The following CRADD variants were observed in gnomAD, a reference collection of about 807,000 sequenced individuals.
The protein encoded by CRADD is CARD and death domain containing adaptor protein.
Under a neutral mutation model 15.5 loss-of-function variants are expected in CRADD, and 9 were observed. The observed-to-expected ratio is 0.58, with a 90% CI of 0.35 to 1.01. CRADD has a LOEUF of 1.01. Among genes scored for constraint, CRADD ranks in the 50% least tolerant of loss-of-function variants. The probability of loss-of-function intolerance (pLI) is 0.02; values close to 1 mark genes in which losing one functional copy is unlikely to be tolerated. For synonymous variants in CRADD, 118 were observed against 107.6 expected, an observed-to-expected ratio of 1.10 and a Z score of -0.60; for missense variants, 227 against 250.3, an observed-to-expected ratio of 0.91 and a Z score of 0.63.
intron 2 of CRADD, among the ~76,000 whole-genome samples, chr12:93,812,719 A>G (rs1159400797): frequency 2.0e-5 from 3 of 152,350 alleles, no homozygotes; most frequent in Non-Finnish European, 4.4e-5. Context: ...CCTGTGGCCT[A>G]TCTTGTGCAA....
rs1373038691 is a variant in CRADD at position 93,767,079 on chromosome 12, A to C, written c.299-82891A>C. Among the ~76,000 whole-genome samples, 5 of 152,318 alleles carry C rather than the reference A, an allele frequency of 3.3e-5. No homozygotes were observed. The East Asian group carries it at 9.6e-4, about 29-fold the overall frequency. On this transcript the variant is annotated intron_variant, in intron 2 of 2. Transcript: ENST00000332896. ...GGCCTTGTCCTTTCTGTCTGGTTCT[A>C]GGGAAAAAGCCCATTGCCTGTGCTT...
chr12:93,867,330 A>G (rs1958376660), intron 2 of CRADD, among the ~76,000 whole-genome samples: 1 of 147,166 alleles, frequency 6.8e-6, no homozygotes, highest in East Asian at 2.0e-4. Context: ...GTGGGGATCC[A>G]TAAAAAGTAC....
intron 2 of CRADD, among the ~76,000 whole-genome samples, chr12:93,765,005 A>AT (rs1263650190): frequency 6.7e-6 from 1 of 149,072 alleles, no homozygotes; most frequent in African/African-American, 2.6e-5. Context: ...AGAAACTCTG[A>AT]ATTTTTTTTT....
chr12:93,808,194 G>A (rs987761016), intron 2 of CRADD, among the ~76,000 whole-genome samples: 2 of 151,906 alleles, frequency 1.3e-5, no homozygotes, highest in African/African-American at 4.8e-5. Context: ...CACACAGCCT[G>A]TTCTCATGCT....
intron 2 of CRADD, among the ~76,000 whole-genome samples, chr12:93,779,421 A>G (rs1038630510): frequency 2.6e-5 from 4 of 152,164 alleles, no homozygotes; most frequent in Non-Finnish European, 2.9e-5. Context: ...TTAGGAAAAT[A>G]TATTTCAAAG....
At chr12:93,828,651 G>A (rs1178475726) in intron 2 of CRADD, among the ~76,000 whole-genome samples, 4 of 152,204 alleles carry the variant, frequency 2.6e-5, no homozygotes, top group African/African-American at 4.8e-5. Flanking sequence ...CCACATGGGT[G>A]TAAATCTATT....
At chr12:93,771,257 T>C (rs1957082542) in intron 2 of CRADD, among the ~76,000 whole-genome samples, 1 of 152,220 alleles carries the variant, frequency 6.6e-6, no homozygotes, top group Admixed American at 6.5e-5. Flanking sequence ...TGCACCTTCA[T>C]ATTCCCCAGT....
At chr12:93,736,915 A>C (rs1021542880) in intron 2 of CRADD, among the ~76,000 whole-genome samples, 12 of 152,260 alleles carry the variant, frequency 7.9e-5, no homozygotes, top group African/African-American at 2.9e-4. Flanking sequence ...TATGCAAGGC[A>C]CTGGAGATAC....
intron 2 of CRADD, among the ~76,000 whole-genome samples, chr12:93,884,496 G>C (rs996169841): frequency 6.6e-6 from 1 of 152,122 alleles, no homozygotes; most frequent in African/African-American, 2.4e-5. Context: ...GATTCTTTCT[G>C]AATAACGCCC....
At position 93,820,789 on chromosome 12, in the gene CRADD, C is replaced by T. The variant is rs574533792; in HGVS notation, c.299-29181C>T. Among the ~76,000 whole-genome samples, 4 of 152,324 alleles carry T rather than the reference C, an allele frequency of 2.6e-5. No homozygotes were observed. The South Asian group carries it at 6.2e-4, about 24-fold the overall frequency. On this transcript the variant is annotated intron_variant, in intron 2 of 2. Transcript: ENST00000332896. ...ATCATGCCCCATTTCTCTCAGATAT[C>T]ACCCCCATGCCCAGTCCCTCTTGGT...
At chr12:93,775,793 G>A (rs1476066073) in intron 2 of CRADD, among the ~76,000 whole-genome samples, 3 of 152,124 alleles carry the variant, frequency 2.0e-5, no homozygotes, top group Non-Finnish European at 2.9e-5. Context: ...AGCATCATTA[G>A]CTCCTCTTTG....
chr12:93,858,897 G>A lies in CRADD; in HGVS notation c.299-35153G>A, dbSNP rs138039000. ...AGCCAGGCCTTGTAGGTTTCCCCAC[G>A]CAGTCTATTTCCATTAGATCATAGC... is the stretch of plus-strand genomic sequence containing the variant. On this transcript the variant is annotated intron_variant, in intron 2 of 2. Transcript: ENST00000548483. 1.1e-4 allele frequency among the ~76,000 whole-genome samples: 16 copies of A among 152,316 alleles called. No homozygotes were observed. In the East Asian group the frequency reaches 2.5e-3, roughly 24 times the overall value.
intron 2 of CRADD, among the ~76,000 whole-genome samples, chr12:93,864,567 C>T (rs1958347591): frequency 6.6e-6 from 1 of 152,184 alleles, no homozygotes; most frequent in Non-Finnish European, 1.5e-5. Flanking sequence ...ATTCTCTTTG[C>T]TGGATCCAAA....
At chr12:93,844,317 A>G (rs1593038787) in intron 2 of CRADD, among the ~76,000 whole-genome samples, 1 of 152,098 alleles carries the variant, frequency 6.6e-6, no homozygotes, top group Non-Finnish European at 1.5e-5. Flanking sequence ...TCTCATTTTT[A>G]AGTAACCTTG....
chr12:93,876,891 G>T (rs772931331), intron 2 of CRADD, among the ~76,000 whole-genome samples: 2 of 152,108 alleles, frequency 1.3e-5, no homozygotes, highest in Non-Finnish European at 2.9e-5. Context: ...GTTCTTTAGT[G>T]TCTGGCCATT....
At chr12:93,685,299 A>T (rs905223910) in intron 2 of CRADD, among the ~76,000 whole-genome samples, 1 of 152,126 alleles carries the variant, frequency 6.6e-6, no homozygotes, top group African/African-American at 2.4e-5. Context: ...GGAGGCAGGG[A>T]TGGGGAGGTT....
chr12:93,765,819 A>C (rs1390681553), intron 2 of CRADD, among the ~76,000 whole-genome samples: 2 of 151,750 alleles, frequency 1.3e-5, no homozygotes, highest in African/African-American at 4.8e-5. Context: ...ACTAAGGGAA[A>C]AATACTAAAG....
At chr12:93,791,357 A>C (rs1957347371) in intron 2 of CRADD, among the ~76,000 whole-genome samples, 1 of 152,120 alleles carries the variant, frequency 6.6e-6, no homozygotes, top group Non-Finnish European at 1.5e-5. Flanking sequence ...AAAGGAAGGA[A>C]ACCCTGTCAT....
intron 2 of CRADD, among the ~76,000 whole-genome samples, chr12:93,844,996 A>C (rs577935970): frequency 6.6e-6 from 1 of 152,198 alleles, no homozygotes; most frequent in Non-Finnish European, 1.5e-5. Flanking sequence ...AAAAACAAAA[A>C]ACAAAACCCT....
Sources: gnomAD v4.1 joint callset for allele counts (sites outside exome capture counted in the v4.1 genomes callset) on GRCh38, gnomAD v4.1.1 for gene constraint, MANE v1.5 for transcripts, NCBI Gene and HGNC (gene_info 2026-07-23, HGNC 2026-07-21) for gene names.